LARGE1: variants seen among roughly 807,000 people sequenced by gnomAD.
LARGE1 encodes the protein xylosyl- and glucuronyltransferase LARGE1.
In LARGE1, 43 loss-of-function variants were observed where a neutral mutation model predicts 87.6. The observed-to-expected ratio is 0.49, with a 90% CI of 0.38 to 0.63. The LOEUF is 0.63. Among genes scored for constraint, LARGE1 ranks in the 30% least tolerant of loss-of-function variants. LARGE1 has a pLI of 0.00. For synonymous variants in LARGE1, 434 were observed against 394.6 expected (o/e 1.10, Z -1.18); for missense variants, 802 against 1,000.2 (o/e 0.80, Z 2.67).
At chr22:33,714,114 T>C (rs1399093245) in intron 2 of LARGE1, among the ~76,000 whole-genome samples, 1 of 152,098 alleles carries the variant, frequency 6.6e-6, no homozygotes, top group Non-Finnish European at 1.5e-5. Flanking sequence ...ACTCCTGCCC[T>C]CCTACCAAGT....
At chr22:33,741,404 T>C (rs977978821) in intron 2 of LARGE1, among the ~76,000 whole-genome samples, 1 of 152,248 alleles carries the variant, frequency 6.6e-6, no homozygotes, top group Non-Finnish European at 1.5e-5. Context: ...AGTTTTAACC[T>C]TCAAGGCACA....
At chr22:33,619,511 C>T (rs1034119462) in intron 4 of LARGE1, among the ~76,000 whole-genome samples, 14 of 148,586 alleles carry the variant, frequency 9.4e-5, no homozygotes, top group Non-Finnish European at 1.2e-4. Flanking sequence ...GCCGAGACTG[C>T]GCCACTGCAC....
chr22:33,761,718 T>G (rs1190502392), intron 1 of LARGE1, among the ~76,000 whole-genome samples, 160 bp from the exon 2 acceptor site: 2 of 151,854 alleles, frequency 1.3e-5, no homozygotes, highest in African/African-American at 2.4e-5. Flanking sequence ...CTCGCAGTCT[T>G]CAAAACTGAG....
chr22:33,607,838 A>G lies in LARGE1; in HGVS notation c.492-3280T>C, dbSNP rs528587853. ...AATCAAAAAGCAGTCAGCACTGCAG[A>G]ATTTCCCCATGGGACCCACTGCCTT... On this transcript the variant is annotated intron_variant, in intron 4 of 14. Transcript: ENST00000397394. Among the ~76,000 whole-genome samples the G allele has an allele frequency of 2.6e-5, 4 of 152,360 alleles. No homozygotes were observed. The South Asian group carries it at 6.2e-4, about 24-fold the overall frequency.
chr22:33,681,610 A>G lies in LARGE1; in HGVS notation c.107-30942T>C, dbSNP rs564620874. Among the ~76,000 whole-genome samples, 8 of 152,364 alleles carry G rather than the reference A, an allele frequency of 5.3e-5. No homozygotes were observed. The South Asian group carries it at 1.7e-3, about 32-fold the overall frequency. ...AGAATAAGTATTTCCTATACTATTA[A>G]AGATCACCATCATTTGCACAATAAC... On this transcript the variant is annotated intron_variant, in intron 2 of 14. Coordinates refer to ENST00000397394, the MANE Select transcript of LARGE1 (RefSeq NM_133642.5).
chr22:33,546,907 C>T (rs1179417729), intron 6 of LARGE1, among the ~76,000 whole-genome samples: 4 of 152,184 alleles, frequency 2.6e-5, no homozygotes, highest in Admixed American at 2.0e-4. Context: ...CTTACAAACT[C>T]GGTACTGATT....
At chr22:33,341,790 G>T (rs931091613) in intron 9 of LARGE1, among the ~76,000 whole-genome samples, 1 of 152,192 alleles carries the variant, frequency 6.6e-6, no homozygotes, top group African/African-American at 2.4e-5. Context: ...TTCCTCAAGT[G>T]CAAGGTGGGG....
At chr22:33,689,284 A>C (rs1341255206) in intron 2 of LARGE1, among the ~76,000 whole-genome samples, 2 of 152,056 alleles carry the variant, frequency 1.3e-5, no homozygotes, top group Admixed American at 1.3e-4. Context: ...TTAAATTCTC[A>C]GCAGCAGTGG....
chr22:33,180,297 T>C (rs1923094940), intron 11 of LARGE1, among the ~76,000 whole-genome samples: 1 of 152,166 alleles, frequency 6.6e-6, no homozygotes, highest in Admixed American at 6.5e-5. Flanking sequence ...CAAATGTAAA[T>C]GATATACAAA....
At chr22:33,079,182 G>A in the LARGE1 span, among the ~76,000 whole-genome samples, 11 of 151,408 alleles carry the variant, frequency 7.3e-5, no homozygotes, top group South Asian at 4.2e-4. Context: ...TAGAGGCAGC[G>A]GTGCCTGACA....
the LARGE1 span, among the ~76,000 whole-genome samples, chr22:33,129,895 G>A: frequency 6.6e-6 from 1 of 152,204 alleles, no homozygotes. Context: ...TGGGGATTAA[G>A]GGAATTACAA....
chr22:33,497,066 C>CTT, intron 6 of LARGE1, among the ~76,000 whole-genome samples: 1 of 134,614 alleles, frequency 7.4e-6, no homozygotes, highest in South Asian at 2.3e-4. Flanking sequence ...ATTTTCTTTT[C>CTT]TTTTCTTTTT....
chr22:33,737,450 C>T (rs192014681), intron 2 of LARGE1: 35 of 152,266 alleles, frequency 2.3e-4, no homozygotes, highest in Admixed American at 1.6e-3. Context: ...TCATAACAAG[C>T]GTTAACTGCT....
chr22:33,916,382 G>C (rs2065787652), intron 1 of LARGE1, among the ~76,000 whole-genome samples: 1 of 152,200 alleles, frequency 6.6e-6, no homozygotes, highest in Admixed American at 6.5e-5. Context: ...CCTCCACACA[G>C]AGCATGGCAC....
intron 2 of LARGE1, among the ~76,000 whole-genome samples, chr22:33,735,497 T>C (rs1029985202): frequency 6.6e-6 from 1 of 152,056 alleles, no homozygotes; most frequent in Non-Finnish European, 1.5e-5. Flanking sequence ...AATTGATTTT[T>C]TTTTCCTCCC....
At chr22:33,883,008 C>T (rs934105754) in intron 1 of LARGE1, among the ~76,000 whole-genome samples, 1 of 152,218 alleles carries the variant, frequency 6.6e-6, no homozygotes, top group African/African-American at 2.4e-5. Context: ...GAAAACTCAT[C>T]ACTTTGGGCC....
intron 9 of LARGE1, among the ~76,000 whole-genome samples, chr22:33,381,153 G>C (rs1290733211): frequency 6.6e-6 from 1 of 152,200 alleles, no homozygotes; most frequent in African/African-American, 2.4e-5. Context: ...CCAGTCACCA[G>C]CTGTCCCATC....
chr22:33,915,224 G>A (rs1030736080), intron 1 of LARGE1, among the ~76,000 whole-genome samples: 1 of 151,998 alleles, frequency 6.6e-6, no homozygotes, highest in Admixed American at 6.6e-5. Context: ...CCTCACCATA[G>A]TTTCCTCATC....
At chr22:33,831,405 A>T (rs755988158) in intron 1 of LARGE1, among the ~76,000 whole-genome samples, 2 of 152,162 alleles carry the variant, frequency 1.3e-5, no homozygotes, top group East Asian at 1.9e-4. Flanking sequence ...CACTCTGAAG[A>T]CAGGAAGCCA....
Sources: gnomAD v4.1 joint callset for allele counts (sites outside exome capture counted in the v4.1 genomes callset) on GRCh38, gnomAD v4.1.1 for gene constraint, MANE v1.5 for transcripts, NCBI Gene and HGNC (gene_info 2026-07-23, HGNC 2026-07-21) for gene names.